The following ADAMTS19 variants were observed in gnomAD, a reference collection of about 807,000 sequenced individuals.
ADAMTS19 encodes ADAM metallopeptidase with thrombospondin type 1 motif 19.
A neutral mutation model predicts 153.3 loss-of-function variants in ADAMTS19; 93 were observed. The ratio of observed to expected loss-of-function variants is 0.61; its 90% CI spans 0.51 to 0.72. The LOEUF (loss-of-function observed/expected upper bound fraction) is 0.72, where lower values mean the gene tolerates loss of function less well. Ranked by LOEUF, ADAMTS19 falls within the 30% of genes least tolerant of loss-of-function variation. The probability of loss-of-function intolerance (pLI) is 0.00; values close to 1 mark genes in which losing one functional copy is unlikely to be tolerated. For missense variants in ADAMTS19, 1,482 were observed against 1,552.1 expected (o/e 0.95, Z 0.76); for synonymous variants, 600 against 556.6 (o/e 1.08, Z -1.10).
chr5:129,460,618 G>A, intron 1 of ADAMTS19, 136 bp downstream of exon 1: 1 of 951,358 alleles, frequency 1.1e-6, no homozygotes, highest in Middle Eastern at 2.3e-4. Context: ...TGAGCTTGAG[G>A]TGCAGGTTAA....
In ADAMTS19 at chr5:129,608,116, G is replaced by GTGTGTGTATATATATATA. The variant is rs377008786; in HGVS notation, c.1478+11453_1478+11454insGTGTGTATATATATATAT. ...TGTGTGTGTGTGTGTGTGTGTGTGTGTATATATATATATATATATATATAA... is the reference window on the plus strand; with the variant it reads ...TGTGTGTGTGTGTGTGTGTGTGTGTGTGTGTGTATATATATATATATATATATATATATATATATATAA... On this transcript the variant is annotated intron_variant, in intron 8 of 22. Coordinates refer to ENST00000274487, the MANE Select transcript of ADAMTS19 (RefSeq NM_133638.6). 1.5e-3 allele frequency among the ~76,000 whole-genome samples: 74 copies of GTGTGTGTATATATATATA among 47,936 alleles called. 1 individual carries two copies. Among genetic ancestry groups the GTGTGTGTATATATATATA allele is most frequent in the Non-Finnish European group, 2.6e-3 (53 of 20,112 alleles). The allele number at this position is 47,936 out of a possible 152,430, so 31.4% of individuals were successfully genotyped here. A position where few individuals can be genotyped will look rare whatever the true frequency, so the allele number is the denominator to read the frequency against.
chr5:129,557,873 A>G (rs1257371185), intron 7 of ADAMTS19, among the ~76,000 whole-genome samples: 1 of 152,168 alleles, frequency 6.6e-6, no homozygotes, highest in African/African-American at 2.4e-5. Flanking sequence ...TTATCTTACA[A>G]TGCTTTTTTT....
chr5:129,671,606 T>C, intron 16 of ADAMTS19, among the ~76,000 whole-genome samples: 1 of 152,220 alleles, frequency 6.6e-6, no homozygotes, highest in East Asian at 1.9e-4. Context: ...CATCAAACTA[T>C]ATATTATTTT....
chr5:129,528,374 C>T (rs183215537), intron 5 of ADAMTS19, 146 bp from the exon 6 acceptor site: 15 of 543,312 alleles, frequency 2.8e-5, no homozygotes, highest in African/African-American at 7.9e-5. Flanking sequence ...GTAAATTAAA[C>T]CTGCATGTCT....
At chr5:129,671,452 A>T (rs1376191631) in intron 16 of ADAMTS19, among the ~76,000 whole-genome samples, 2 of 152,212 alleles carry the variant, frequency 1.3e-5, no homozygotes, top group African/African-American at 4.8e-5. Flanking sequence ...AAATAGATGC[A>T]TTTCATAAAT....
intron 2 of ADAMTS19, among the ~76,000 whole-genome samples, chr5:129,489,181 C>T (rs1253067402): frequency 6.6e-6 from 1 of 151,988 alleles, no homozygotes; most frequent in Non-Finnish European, 1.5e-5. Context: ...GTAATTAGGG[C>T]TTTGGCACTG....
intron 3 of ADAMTS19, among the ~76,000 whole-genome samples, chr5:129,522,744 G>A (rs879389176): frequency 6.6e-6 from 1 of 151,962 alleles, no homozygotes; most frequent in Non-Finnish European, 1.5e-5. Context: ...TAATACAAAG[G>A]AAACAGTAAC....
Position 129,461,491 on chromosome 5 carries a change from G to T in ADAMTS19, c.481G>T (p.Ala161Ser), listed in dbSNP as rs867288220. The T allele has an allele frequency of 1.3e-6, 2 of 1,496,998 alleles. No individual in the cohort carries two copies. The highest frequency in any genetic ancestry group is 2.8e-5 in the East Asian group (1 of 35,312). 92.7% of individuals were successfully genotyped at this position (1,496,998 alleles called of 1,614,324 possible). A position where few individuals can be genotyped will look rare whatever the true frequency, so the allele number is the denominator to read the frequency against. ...PPQPPPSPPP[A>S]QHAEPDGDEV... is the part of the protein sequence containing the mutation. ...GCAGCCGCCCCCGTCCCCGCCCCCG[G>T]CCCAGCATGCCGAGCCGGATGGCGA... is the stretch of plus-strand genomic sequence containing the variant. Residue 161 changes from alanine to serine, a missense_variant, in exon 2 of 23, where the codon GCC (alanine) becomes TCC (serine). Coordinates refer to ENST00000274487, the MANE Select transcript of ADAMTS19 (RefSeq NM_133638.6). This position sits in a 1 kb window ranked among gnomAD's most constrained non-coding sequence, Gnocchi z 4.6.
At chr5:129,711,341 C>G (rs895411734) in intron 21 of ADAMTS19, among the ~76,000 whole-genome samples, 1 of 152,094 alleles carries the variant, frequency 6.6e-6, no homozygotes, top group Non-Finnish European at 1.5e-5. Context: ...ATGCCAGAGG[C>G]CTGAATGTCA....
intron 2 of ADAMTS19, among the ~76,000 whole-genome samples, chr5:129,489,610 G>A (rs1053285015): frequency 1.3e-5 from 2 of 152,100 alleles, no homozygotes; most frequent in African/African-American, 4.8e-5. Context: ...TTTTTAAAAT[G>A]TTCATTACTA....
chr5:129,490,333 C>T (rs1750724997), intron 2 of ADAMTS19, among the ~76,000 whole-genome samples: 1 of 152,074 alleles, frequency 6.6e-6, no homozygotes, highest in East Asian at 1.9e-4. Flanking sequence ...AAATGCACAC[C>T]CATGAGATGA....
chr5:129,540,058 G>T (rs1426443174), intron 6 of ADAMTS19, among the ~76,000 whole-genome samples: 1 of 152,074 alleles, frequency 6.6e-6, no homozygotes, highest in Non-Finnish European at 1.5e-5. Flanking sequence ...TTGTAAGAAA[G>T]CTGTGAAAAA....
chr5:129,684,364 T>G (rs1365705269), intron 18 of ADAMTS19, 91 bp downstream of exon 18: 6 of 1,464,992 alleles, frequency 4.1e-6, no homozygotes, highest in Non-Finnish European at 4.6e-6. Flanking sequence ...ATCCCTAATC[T>G]GCAATTCCAA....
Position 129,594,938 on chromosome 5 carries a change from G to A in ADAMTS19, c.1373-1621G>A, listed in dbSNP as rs114955328. On this transcript the variant is annotated intron_variant, in intron 7 of 22. Transcript: ENST00000274487. The stretch of plus-strand genomic sequence containing the variant: ...TTATCATCTGTCTATTCATCCATCC[G>A]TCCACCTAACCACCCATTCATTAAG... Among the ~76,000 whole-genome samples, 954 of 151,650 alleles carry A rather than the reference G, an allele frequency of 6.3e-3. 14 individuals carry two copies. Among genetic ancestry groups the A allele is most frequent in the African/African-American group, 0.022 (915 of 41,316 alleles).
At chr5:129,479,458 G>T (rs990061192) in intron 2 of ADAMTS19, among the ~76,000 whole-genome samples, 2 of 152,080 alleles carry the variant, frequency 1.3e-5, no homozygotes, top group African/African-American at 4.8e-5. Flanking sequence ...AATATCATCA[G>T]TACTTCTAGA....
At chr5:129,624,433 A>AG in intron 10 of ADAMTS19, among the ~76,000 whole-genome samples, 1 of 152,094 alleles carries the variant, frequency 6.6e-6, no homozygotes, top group African/African-American at 2.4e-5. Flanking sequence ...TGAGGTACAA[A>AG]GGTTTGGGTT....
chr5:129,556,352 T>C (rs1753311296), intron 7 of ADAMTS19, among the ~76,000 whole-genome samples: 1 of 152,216 alleles, frequency 6.6e-6, no homozygotes, highest in Admixed American at 6.5e-5. Context: ...AATCTTAGAT[T>C]GAATGAACTA....
At chr5:129,637,297 G>A (rs39591) in intron 10 of ADAMTS19, among the ~76,000 whole-genome samples, 3 of 152,018 alleles carry the variant, frequency 2.0e-5, no homozygotes, top group South Asian at 2.1e-4. Flanking sequence ...TTAATGTGCC[G>A]AAGTATATTA....
chr5:129,590,746 A>C (rs1424976622), intron 7 of ADAMTS19, among the ~76,000 whole-genome samples: 2 of 152,220 alleles, frequency 1.3e-5, no homozygotes, highest in Admixed American at 1.3e-4. Context: ...ATTGAAAAAT[A>C]TGTTCAAAGC....
Sources: gnomAD v4.1 joint callset for allele counts (sites outside exome capture counted in the v4.1 genomes callset) on GRCh38, gnomAD v4.1.1 for gene constraint, Gnocchi (gnomAD v3.1) non-coding constraint, MANE v1.5 for transcripts, NCBI Gene and HGNC (gene_info 2026-07-23, HGNC 2026-07-21) for gene names.